The following NAA11 variants were observed in gnomAD, a reference collection of about 807,000 sequenced individuals.
NAA11 encodes N-alpha-acetyltransferase 11.
A neutral mutation model predicts 16.1 loss-of-function variants in NAA11; 15 were observed. That is an observed-to-expected ratio of 0.93 (90% CI 0.62 to 1.44). The LOEUF is 1.44. Among genes scored for constraint, NAA11 ranks in the 40% most tolerant of loss-of-function variants. NAA11 has a pLI of 0.00. For synonymous variants in NAA11, 122 were observed against 112.4 expected (o/e 1.09, Z -0.54); for missense variants, 298 against 291.3 (o/e 1.02, Z -0.17).
intron 2 of NAA11, among the ~76,000 whole-genome samples, chr4:79,236,618 A>C (rs1721575839): frequency 6.6e-6 from 1 of 152,172 alleles, no homozygotes; most frequent in Non-Finnish European, 1.5e-5. Context: ...TTAAAATCTT[A>C]ATTATATCAT....
At position 79,325,474 on chromosome 4, in the gene NAA11, G is replaced by T. The variant is rs774783949; in HGVS notation, c.404C>A (p.Pro135His). ...TLNFQISEVEPKYYADGEDAY... is the reference protein window; with the variant it reads ...TLNFQISEVEHKYYADGEDAY... The stretch of plus-strand genomic sequence containing the variant: ...ATCTTCCCCATCTGCATAGTATTTA[G>T]GTTCCACCTCACTAATCTGAAAGTT... Residue 135 changes from proline (P) to histidine (H), a missense_variant, in exon 1 of 2, where the codon CCT (proline) becomes CAT (histidine). Pro to His is a moderately conservative substitution (Grantham distance 77). Coordinates refer to ENST00000286794, the MANE Select transcript of NAA11 (RefSeq NM_032693.3). 6.2e-7 allele frequency: 1 copy of T among 1,614,074 alleles called. No individual in the cohort carries two copies. Among genetic ancestry groups the T allele is most frequent in the African/African-American group, 1.3e-5 (1 of 74,926 alleles).
chr4:79,278,078 C>A (rs1291992688), intron 2 of NAA11, among the ~76,000 whole-genome samples: 3 of 152,116 alleles, frequency 2.0e-5, no homozygotes, highest in Non-Finnish European at 2.9e-5. Context: ...CCCATGACTA[C>A]CTTCCTTACA....
chr4:79,248,998 C>T (rs190526720), intron 2 of NAA11, among the ~76,000 whole-genome samples: 5 of 152,110 alleles, frequency 3.3e-5, no homozygotes, highest in South Asian at 2.1e-4. Context: ...TGAGCCCCCC[C>T]CCAGTGCAGC....
intron 2 of NAA11, among the ~76,000 whole-genome samples, chr4:79,272,602 A>G (rs562877272): frequency 3.9e-5 from 6 of 152,188 alleles, no homozygotes; most frequent in African/African-American, 1.4e-4. Context: ...AGAAACTACA[A>G]TGATATTTAG....
At chr4:79,309,743 T>C (rs1246734951) in intron 1 of NAA11, among the ~76,000 whole-genome samples, 2 of 122,492 alleles carry the variant, frequency 1.6e-5, no homozygotes, top group Non-Finnish European at 3.2e-5. Flanking sequence ...TGAGATGGAG[T>C]CTCGCTCTGT....
chr4:79,315,282 T>C (rs1723894246), downstream of NAA11, among the ~76,000 whole-genome samples: 1 of 152,200 alleles, frequency 6.6e-6, no homozygotes, highest in South Asian at 2.1e-4. Context: ...TTCCAGTGTT[T>C]CAGTCCTGAT....
the NAA11 span, among the ~76,000 whole-genome samples, chr4:79,209,754 C>T: frequency 2.0e-5 from 3 of 152,138 alleles, no homozygotes; most frequent in South Asian, 4.1e-4. Flanking sequence ...GTTTAGATTA[C>T]ATTGGTCAGG....
At chr4:79,155,437 T>C in the NAA11 span, among the ~76,000 whole-genome samples, 1 of 152,242 alleles carries the variant, frequency 6.6e-6, no homozygotes, top group South Asian at 2.1e-4. Flanking sequence ...AGTGATTTTA[T>C]GTGTGAAGCT....
At chr4:79,279,920 G>A (rs1722745787) in intron 2 of NAA11, among the ~76,000 whole-genome samples, 1 of 151,982 alleles carries the variant, frequency 6.6e-6, no homozygotes, top group South Asian at 2.1e-4. Context: ...GAACAGAGCA[G>A]AAATAAAAGA....
At chr4:79,283,818 A>G (rs993804195) in intron 2 of NAA11, among the ~76,000 whole-genome samples, 6 of 152,140 alleles carry the variant, frequency 3.9e-5, no homozygotes, top group Non-Finnish European at 7.4e-5. Context: ...CTGTACTAGA[A>G]AATTGGTTAT....
chr4:79,270,004 A>T (rs1244662391), intron 2 of NAA11, among the ~76,000 whole-genome samples: 5 of 151,926 alleles, frequency 3.3e-5, no homozygotes, highest in African/African-American at 1.2e-4. Context: ...GTCAAAGATC[A>T]GACAGTTGTA....
chr4:79,301,719 T>C (rs191873592), intron 1 of NAA11, among the ~76,000 whole-genome samples: 289 of 152,326 alleles, frequency 1.9e-3, no homozygotes, highest in Middle Eastern at 6.8e-3. Context: ...ACAAGGGCTC[T>C]AGCTATACGA....
the NAA11 span, among the ~76,000 whole-genome samples, chr4:79,204,828 C>A: frequency 6.6e-6 from 1 of 151,496 alleles, no homozygotes; most frequent in Non-Finnish European, 1.5e-5. Context: ...TTTTTCATTC[C>A]TGATTTACTT....
intron 1 of NAA11, among the ~76,000 whole-genome samples, chr4:79,324,742 G>C (rs1724204895): frequency 6.6e-6 from 1 of 152,148 alleles, no homozygotes; most frequent in African/African-American, 2.4e-5. Flanking sequence ...TCATTACAAA[G>C]TGCTCCAACT....
rs748172819 is a variant in NAA11 at position 79,325,721 on chromosome 4, C to T, written c.157G>A (p.Val53Met). ...YIAEDEDGKI[V>M]GYVLAKMEEE... ...TCCATTTTGGCCAGAACATAGCCCA[C>T]AATCTTCCCGTCCTCATCCTCAGCG... is the stretch of plus-strand genomic sequence containing the variant. The change falls in exon 1 of 2, where the codon GTG (valine) becomes ATG (methionine). Residue 53 changes from valine (V) to methionine (M), a missense_variant. Val to Met is a conservative substitution (Grantham distance 21, BLOSUM62 1). Transcript: ENST00000286794. The T allele has an allele frequency of 1.9e-6, 3 of 1,614,196 alleles. No individual in the cohort carries two copies. The East Asian group carries it at 6.7e-5, about 36-fold the overall frequency.
the NAA11 span, among the ~76,000 whole-genome samples, chr4:79,161,524 A>G: frequency 2.0e-5 from 3 of 152,048 alleles, no homozygotes; most frequent in Non-Finnish European, 4.4e-5. Context: ...TTTTAATGTA[A>G]ATTTTAGTAT....
chr4:79,222,598 T>C (rs1461116098), downstream of NAA11, among the ~76,000 whole-genome samples: 5 of 147,350 alleles, frequency 3.4e-5, no homozygotes, highest in Non-Finnish European at 7.5e-5. Context: ...GGACTTCATG[T>C]CTAAAACACC....
At chr4:79,270,645 A>C (rs370072627) in intron 2 of NAA11, among the ~76,000 whole-genome samples, 2 of 105,696 alleles carry the variant, frequency 1.9e-5, no homozygotes, top group Non-Finnish European at 3.8e-5. Context: ...TACTGGCAAA[A>C]CGAATCCAGC....
intron 2 of NAA11, among the ~76,000 whole-genome samples, chr4:79,268,406 A>T (rs1474792776): frequency 6.6e-6 from 1 of 152,136 alleles, no homozygotes; most frequent in Non-Finnish European, 1.5e-5. Context: ...GTCAATGTTG[A>T]CTTGCCAAGG....
Sources: allele counts gnomAD v4.1 joint callset (sites outside exome capture counted in the v4.1 genomes callset), GRCh38; gene constraint gnomAD v4.1.1; transcripts MANE v1.5; gene names NCBI Gene and HGNC (gene_info 2026-07-23, HGNC 2026-07-21).